The following DOCK4 variants were observed in gnomAD, a reference collection of about 807,000 sequenced individuals.
DOCK4 encodes dedicator of cytokinesis protein 4.
Under a neutral mutation model 268.1 loss-of-function variants are expected in DOCK4, and 97 were observed. The observed-to-expected ratio is 0.36, with a 90% CI of 0.31 to 0.43. The LOEUF (loss-of-function observed/expected upper bound fraction) is 0.43, where lower values mean the gene tolerates loss of function less well. Among genes scored for constraint, DOCK4 ranks in the 20% least tolerant of loss-of-function variants. The pLI, the probability that DOCK4 is intolerant of heterozygous loss-of-function variation, is 1.00. For missense variants in DOCK4, 2,145 were observed against 2,455.7 expected, an observed-to-expected ratio of 0.87 and a Z score of 2.67; for synonymous variants, 954 against 887.2, an observed-to-expected ratio of 1.08 and a Z score of -1.34.
At chr7:111,944,050 AC>A (rs1562921118) in intron 10 of DOCK4, among the ~76,000 whole-genome samples, 1 of 152,218 alleles carries the variant, frequency 6.6e-6, no homozygotes, top group Non-Finnish European at 1.5e-5. Flanking sequence ...TGTGTAGGTT[AC>A]ACCAGTCCTC....
intron 41 of DOCK4, among the ~76,000 whole-genome samples, chr7:111,756,842 G>A (rs1034891749): frequency 6.6e-6 from 1 of 152,144 alleles, no homozygotes; most frequent in African/African-American, 2.4e-5. Context: ...AGAGCTCGCA[G>A]TGTTCTGGTG....
chr7:111,792,862 G>A (rs1190273827), intron 30 of DOCK4, among the ~76,000 whole-genome samples: 5 of 152,048 alleles, frequency 3.3e-5, no homozygotes, highest in East Asian at 3.9e-4. Flanking sequence ...CTGGATAATC[G>A]CCTTATTTTC....
At chr7:111,981,019 A>G (rs537910449) in intron 7 of DOCK4, among the ~76,000 whole-genome samples, 2 of 152,364 alleles carry the variant, frequency 1.3e-5, no homozygotes, top group Admixed American at 6.5e-5. Flanking sequence ...AATGAACACA[A>G]TTAGGTGAGA....
intron 1 of DOCK4, among the ~76,000 whole-genome samples, chr7:112,015,025 G>T (rs918627903): frequency 6.6e-6 from 1 of 152,162 alleles, no homozygotes; most frequent in African/African-American, 2.4e-5. Flanking sequence ...GACCTACTGG[G>T]TGGCATTCCC....
At chr7:111,903,572 T>C (rs1791323720) in intron 13 of DOCK4, among the ~76,000 whole-genome samples, 1 of 152,240 alleles carries the variant, frequency 6.6e-6, no homozygotes, top group South Asian at 2.1e-4. Flanking sequence ...GACTTTCTAT[T>C]TCACTTGATT....
chr7:111,864,108 CCTTTAGTTTCATCATTTAGG>C (rs1329001254), intron 22 of DOCK4, among the ~76,000 whole-genome samples: 2 of 152,010 alleles, frequency 1.3e-5, no homozygotes, highest in Admixed American at 6.6e-5. Flanking sequence ...ATTTGAGCAC[CCTTTAGTTTCATCATTTAGG>C]CTTTAGTTTC....
At chr7:111,934,932 T>C (rs1052990020) in intron 12 of DOCK4, among the ~76,000 whole-genome samples, 2 of 151,986 alleles carry the variant, frequency 1.3e-5, no homozygotes, top group African/African-American at 4.8e-5. Context: ...ATATTTGTCA[T>C]GTGATTTTTA....
At chr7:111,873,891 G>C (rs1349568812) in intron 17 of DOCK4, among the ~76,000 whole-genome samples, 1 of 152,120 alleles carries the variant, frequency 6.6e-6, no homozygotes, top group Non-Finnish European at 1.5e-5. Flanking sequence ...TAAAAATACT[G>C]ACTTTGAAAA....
intron 1 of DOCK4, among the ~76,000 whole-genome samples, chr7:112,039,373 T>TGTGGG (rs560210065): frequency 8.2e-6 from 1 of 122,318 alleles, no homozygotes; most frequent in African/African-American, 3.1e-5. Context: ...GGATTTCATA[T>TGTGGG]GGGGGGGGGG....
At chr7:111,854,978 G>A (rs1804882907) in intron 23 of DOCK4, among the ~76,000 whole-genome samples, 1 of 152,170 alleles carries the variant, frequency 6.6e-6, no homozygotes. Context: ...GAGTGGGTGG[G>A]GCACCAAAAT....
intron 1 of DOCK4, among the ~76,000 whole-genome samples, chr7:112,082,673 C>G (rs1461509359): frequency 6.6e-6 from 1 of 152,106 alleles, no homozygotes; most frequent in East Asian, 1.9e-4. Flanking sequence ...AACTCACTCT[C>G]TCTCCTCAGA....
At chr7:112,077,576 G>A (rs1465172422) in intron 1 of DOCK4, among the ~76,000 whole-genome samples, 1 of 152,112 alleles carries the variant, frequency 6.6e-6, no homozygotes, top group Non-Finnish European at 1.5e-5. Context: ...GCATTCCAAA[G>A]TGAGTTGTGG....
chr7:111,741,719 A>C, intron 45 of DOCK4, 58 bp from the exon 46 acceptor site: 1 of 1,585,526 alleles, frequency 6.3e-7, no homozygotes, highest in East Asian at 2.3e-5. Context: ...AAAATAACTT[A>C]TGAGACAGGT....
intron 10 of DOCK4, among the ~76,000 whole-genome samples, chr7:111,942,660 C>T (rs2134784593): frequency 6.6e-6 from 1 of 152,118 alleles, no homozygotes; most frequent in South Asian, 2.1e-4. Flanking sequence ...CCTAAGTTAC[C>T]TTTAGTTACC....
intron 1 of DOCK4, among the ~76,000 whole-genome samples, chr7:112,027,311 G>A (rs1032339747): frequency 2.6e-5 from 4 of 152,070 alleles, no homozygotes; most frequent in South Asian, 2.1e-4. Context: ...TGCAACCTCC[G>A]CCTCCCGGGT....
At chr7:111,804,081 C>T (rs527808514) in intron 30 of DOCK4, among the ~76,000 whole-genome samples, 22 of 152,324 alleles carry the variant, frequency 1.4e-4, no homozygotes, top group African/African-American at 4.8e-4. Flanking sequence ...AGCAATTCCA[C>T]TTCTGGCTAT....
At chr7:111,976,378 G>T (rs529238217) in intron 8 of DOCK4, among the ~76,000 whole-genome samples, 51 of 138,614 alleles carry the variant, frequency 3.7e-4, no homozygotes, top group African/African-American at 1.4e-3. Context: ...TTAAAGCATG[G>T]TACAGTTGGG....
At chr7:112,192,769 A>T (rs1820085571) in intron 1 of DOCK4, among the ~76,000 whole-genome samples, 1 of 152,160 alleles carries the variant, frequency 6.6e-6, no homozygotes, top group Admixed American at 6.6e-5. Flanking sequence ...TCAAGCTAGC[A>T]TATTGCCTTA....
chr7:111,728,775 G>A (rs1260403163), intron 52 of DOCK4, 55 bp from the exon 53 acceptor site: 2 of 1,505,268 alleles, frequency 1.3e-6, no homozygotes, highest in African/African-American at 2.8e-5. Flanking sequence ...CGTGAACGCA[G>A]ATGCGCTGAA....
Sources: gnomAD v4.1 joint callset for allele counts (sites outside exome capture counted in the v4.1 genomes callset) on GRCh38, gnomAD v4.1.1 for gene constraint, MANE v1.5 for transcripts, NCBI Gene and HGNC (gene_info 2026-07-23, HGNC 2026-07-21) for gene names.